The following TSPAN5 variants were observed in gnomAD, a reference collection of about 807,000 sequenced individuals.
TSPAN5 encodes tetraspanin 5.
A neutral mutation model predicts 37.1 loss-of-function variants in TSPAN5; 10 were observed. The ratio of observed to expected loss-of-function variants is 0.27; its 90% confidence interval spans 0.17 to 0.46. The LOEUF (loss-of-function observed/expected upper bound fraction) is 0.46. TSPAN5 is among the 20% of genes least tolerant of loss of function. The probability of loss-of-function intolerance (pLI) is 1.00; values close to 1 mark genes in which losing one functional copy is unlikely to be tolerated. For missense variants in TSPAN5, 195 were observed against 326.6 expected (o/e 0.60, Z 3.11); for synonymous variants, 110 against 118.9 (o/e 0.93, Z 0.48).
intron 1 of TSPAN5, among the ~76,000 whole-genome samples, chr4:98,609,341 G>A (rs1486591047): frequency 3.3e-5 from 5 of 152,150 alleles, no homozygotes; most frequent in South Asian, 2.1e-4. Context: ...AGAGTGGGGC[G>A]CACCCAACCC....
chr4:98,646,143 T>C (rs1446920892), intron 1 of TSPAN5, among the ~76,000 whole-genome samples: 1 of 151,954 alleles, frequency 6.6e-6, no homozygotes, highest in Non-Finnish European at 1.5e-5. Context: ...CATCCCATTA[T>C]GCCCTAGAGG....
chr4:98,587,981 C>T (rs759663736), intron 1 of TSPAN5, among the ~76,000 whole-genome samples: 1 of 152,164 alleles, frequency 6.6e-6, no homozygotes, highest in Non-Finnish European at 1.5e-5. Flanking sequence ...TTGGTCTCTT[C>T]GGCATTTCCC....
chr4:98,541,694 A>AAG (rs1553912684), intron 1 of TSPAN5, among the ~76,000 whole-genome samples: 27 of 95,302 alleles, frequency 2.8e-4, no homozygotes, highest in Admixed American at 3.6e-4. Flanking sequence ...AAAAAAAAAA[A>AAG]AGAGAGAGAG....
chr4:98,630,295 A>T (rs1339712359), intron 1 of TSPAN5, among the ~76,000 whole-genome samples: 1 of 152,186 alleles, frequency 6.6e-6, no homozygotes, highest in Admixed American at 6.5e-5. Flanking sequence ...CCTGATGGAG[A>T]AAACAACATG....
chr4:98,590,436 C>T (rs774356117), intron 1 of TSPAN5, among the ~76,000 whole-genome samples: 2 of 152,118 alleles, frequency 1.3e-5, no homozygotes, highest in African/African-American at 4.8e-5. Context: ...ATTGGCCAGG[C>T]GTGGTTGCTC....
intron 1 of TSPAN5, among the ~76,000 whole-genome samples, chr4:98,564,275 T>C (rs1421088841): frequency 6.6e-6 from 1 of 152,216 alleles, no homozygotes; most frequent in African/African-American, 2.4e-5. Flanking sequence ...ATCAAATTCT[T>C]ACCCCAAATG....
At chr4:98,567,322 T>C (rs1323647503) in intron 1 of TSPAN5, among the ~76,000 whole-genome samples, 1 of 152,186 alleles carries the variant, frequency 6.6e-6, no homozygotes, top group Non-Finnish European at 1.5e-5. Context: ...ACACTGTTTT[T>C]AACACACACA....
chr4:98,605,948 T>C (rs1045506497), intron 1 of TSPAN5, among the ~76,000 whole-genome samples: 2 of 152,204 alleles, frequency 1.3e-5, no homozygotes, highest in Admixed American at 1.3e-4. Flanking sequence ...CCTTGTTACC[T>C]GAGGTGGGGC....
At chr4:98,493,510 T>C (rs1753130694) in intron 2 of TSPAN5, among the ~76,000 whole-genome samples, 1 of 152,118 alleles carries the variant, frequency 6.6e-6, no homozygotes, top group African/African-American at 2.4e-5. Context: ...TTCTGAACAG[T>C]AGTAGCAGAA....
chr4:98,583,505 A>G (rs1263537924), intron 1 of TSPAN5, among the ~76,000 whole-genome samples: 1 of 152,322 alleles, frequency 6.6e-6, no homozygotes, highest in East Asian at 1.9e-4. Flanking sequence ...TCTTATATCA[A>G]TAATCTCTAA....
chr4:98,599,056 A>G (rs1755823272), intron 1 of TSPAN5, among the ~76,000 whole-genome samples: 1 of 152,240 alleles, frequency 6.6e-6, no homozygotes, highest in Non-Finnish European at 1.5e-5. Flanking sequence ...CTATTTAGAA[A>G]GAAGCAAAAT....
chr4:98,570,560 C>T (rs1285419520), intron 1 of TSPAN5, among the ~76,000 whole-genome samples: 1 of 152,050 alleles, frequency 6.6e-6, no homozygotes, highest in African/African-American at 2.4e-5. Flanking sequence ...TATATAAATG[C>T]TGACTGCAAA....
At chr4:98,628,320 T>G (rs1165910025) in intron 1 of TSPAN5, among the ~76,000 whole-genome samples, 1 of 152,174 alleles carries the variant, frequency 6.6e-6, no homozygotes, top group Non-Finnish European at 1.5e-5. Context: ...AGGACATGTC[T>G]AGATACAGTG....
chr4:98,497,928 G>A (rs1369741228), intron 2 of TSPAN5, among the ~76,000 whole-genome samples: 1 of 152,100 alleles, frequency 6.6e-6, no homozygotes, highest in African/African-American at 2.4e-5. Flanking sequence ...GAGATGAAGA[G>A]GCTGGTTGGG....
intron 1 of TSPAN5, among the ~76,000 whole-genome samples, chr4:98,637,030 G>A (rs1454289990): frequency 6.6e-6 from 1 of 152,072 alleles, no homozygotes; most frequent in Non-Finnish European, 1.5e-5. Context: ...CCCCTTGGTA[G>A]GGAGCTTCCC....
chr4:98,482,728 GA>G (rs1269083886), intron 3 of TSPAN5: 7 of 152,278 alleles, frequency 4.6e-5, no homozygotes, highest in African/African-American at 1.7e-4. Context: ...GGTCAAAGAG[GA>G]AGTAGTGGGG....
chr4:98,637,304 T>A (rs1301553335), intron 1 of TSPAN5, among the ~76,000 whole-genome samples: 3 of 152,170 alleles, frequency 2.0e-5, no homozygotes, highest in African/African-American at 7.2e-5. Flanking sequence ...TAGCTGTACA[T>A]GGCGGCCCTC....
intron 1 of TSPAN5, among the ~76,000 whole-genome samples, chr4:98,518,570 T>C (rs1269694904): frequency 6.6e-6 from 1 of 152,182 alleles, no homozygotes; most frequent in Non-Finnish European, 1.5e-5. Flanking sequence ...GAGACGGCGA[T>C]AGAAAGACTA....
intron 1 of TSPAN5, among the ~76,000 whole-genome samples, chr4:98,563,902 A>G (rs9993039): frequency 0.028 from 4,324 of 152,256 alleles, 93 homozygotes; most frequent in Middle Eastern, 0.075. Context: ...TAGATGTTCT[A>G]TAATATACAA....
Sources: gnomAD v4.1 joint callset for allele counts (sites outside exome capture counted in the v4.1 genomes callset) on GRCh38, gnomAD v4.1.1 for gene constraint, MANE v1.5 for transcripts, NCBI Gene and HGNC (gene_info 2026-07-23, HGNC 2026-07-21) for gene names.